The following COL27A1 variants were observed in gnomAD, a reference collection of about 807,000 sequenced individuals.
COL27A1 encodes collagen alpha-1(XXVII) chain.
COL27A1 carries 106 observed loss-of-function variants against 251.3 expected under a neutral mutation model. The observed-to-expected ratio is 0.42, with a 90% CI of 0.36 to 0.50. COL27A1 has a LOEUF of 0.50. Among genes scored for constraint, COL27A1 ranks in the 20% least tolerant of loss-of-function variants. COL27A1 has a pLI of 0.00. For missense variants in COL27A1, 2,325 were observed against 2,522.8 expected, an observed-to-expected ratio of 0.92 and a Z score of 1.68; for synonymous variants, 1,000 against 986.3, an observed-to-expected ratio of 1.01 and a Z score of -0.26.
At chr9:114,177,262 G>C (rs535360517) in intron 3 of COL27A1, among the ~76,000 whole-genome samples, 1 of 152,202 alleles carries the variant, frequency 6.6e-6, no homozygotes. Flanking sequence ...AAGTCTGCTC[G>C]GCTGCCTCCC....
At chr9:114,294,082 CAA>C (rs57583693) in intron 49 of COL27A1, among the ~76,000 whole-genome samples, 4,060 of 136,762 alleles carry the variant, frequency 0.03, 97 homozygotes, top group African/African-American at 0.058. Flanking sequence ...ACTAACAATA[CAA>C]AAAAAAAAAA....
At chr9:114,162,823 G>A in intron 2 of COL27A1, 38 bp downstream of exon 2, 1 of 1,493,542 alleles carries the variant, frequency 6.7e-7, no homozygotes, top group Non-Finnish European at 9.3e-7. Flanking sequence ...GGAGACAAAG[G>A]AGAACGGAAG....
intron 3 of COL27A1, among the ~76,000 whole-genome samples, chr9:114,172,255 C>G (rs1341031932): frequency 1.3e-5 from 2 of 152,336 alleles, no homozygotes; most frequent in East Asian, 3.9e-4. Context: ...TTTCTGGCCT[C>G]TGCTGTCTTC....
chr9:114,204,158 C>G (rs1001415193), intron 7 of COL27A1, among the ~76,000 whole-genome samples: 1 of 152,088 alleles, frequency 6.6e-6, no homozygotes, highest in African/African-American at 2.4e-5. Flanking sequence ...GAAGAGGACT[C>G]AAGAGTTCTA....
At chr9:114,159,501 G>C (rs1848351094) in intron 1 of COL27A1, among the ~76,000 whole-genome samples, 2 of 152,168 alleles carry the variant, frequency 1.3e-5, no homozygotes, top group Admixed American at 6.6e-5. Flanking sequence ...GAAGGAGATG[G>C]AACAGAAATA....
At chr9:114,227,893 G>T (rs1271366944) in intron 14 of COL27A1, among the ~76,000 whole-genome samples, 1 of 152,190 alleles carries the variant, frequency 6.6e-6, no homozygotes, top group Non-Finnish European at 1.5e-5. Context: ...TCTGCAAGCT[G>T]CCCTCGGGGG....
At chr9:114,164,210 C>CTG (rs956542590) in intron 2 of COL27A1, among the ~76,000 whole-genome samples, 12 of 152,138 alleles carry the variant, frequency 7.9e-5, no homozygotes, top group African/African-American at 2.9e-4. Flanking sequence ...CCATAGATTG[C>CTG]TGAGAGAATC....
At chr9:114,304,731 A>T in intron 57 of COL27A1, 58 bp downstream of exon 57, 1 of 1,462,972 alleles carries the variant, frequency 6.8e-7, no homozygotes, top group Admixed American at 1.7e-5. Context: ...GCAAATAGAT[A>T]ATGGCCCACA....
chr9:114,265,296 G>C (rs60011910), intron 31 of COL27A1, 126 bp from the exon 32 acceptor site: 4 of 1,154,436 alleles, frequency 3.5e-6, no homozygotes, highest in Non-Finnish European at 5.0e-6. Flanking sequence ...CTGGGTCTCA[G>C]CCTTCCCATC....
At position 114,155,882 on chromosome 9, in the gene COL27A1, G is replaced by A. The variant is rs1021016356; in HGVS notation, c.-69G>A. Reference sequence around the variant, plus strand: ...GCCGGCCTGGCGCGGCGGGGCGGGGGGCTGGCGGCCCCATGGGGCGCGCCC... The same window carrying A: ...GCCGGCCTGGCGCGGCGGGGCGGGGAGCTGGCGGCCCCATGGGGCGCGCCC... On this transcript the variant is annotated 5_prime_UTR_variant, in exon 1 of 61. Transcript: ENST00000356083. The surrounding 1 kb of genome is among the most constrained non-coding windows in gnomAD (Gnocchi z 5.5). The A allele has an allele frequency of 8.9e-6, 10 of 1,121,636 alleles. No homozygotes were observed. In the African/African-American group the frequency reaches 1.5e-4, roughly 17 times the overall value. The allele number at this position is 1,121,636 out of a possible 1,614,324, so 69.5% of individuals were successfully genotyped here. A position where few individuals can be genotyped will look rare whatever the true frequency, so the allele number is the denominator to read the frequency against.
chr9:114,168,956 T>C lies in COL27A1; in HGVS notation c.1401T>C (p.His467=), dbSNP rs770579353. The C allele has an allele frequency of 5.6e-5, 91 of 1,613,938 alleles. No individual in the cohort carries two copies. Among genetic ancestry groups the C allele is most frequent in the Non-Finnish European group, 6.9e-5 (82 of 1,180,022 alleles). The stretch of plus-strand genomic sequence containing the variant: ...GGACTGAGGCCAAGATAACCAGCCA[T>C]GCCAGTAAGCCGGCCTCTGCCCGCA... ...LARTEAKITS[H]ASKPASARTS... The change falls in exon 3 of 61, where the codon CAT becomes CAC. Residue 467 remains histidine (H), a synonymous_variant. Coordinates refer to ENST00000356083, the MANE Select transcript of COL27A1 (RefSeq NM_032888.4).
At chr9:114,188,597 A>C (rs895856029) in intron 5 of COL27A1, among the ~76,000 whole-genome samples, 1 of 152,238 alleles carries the variant, frequency 6.6e-6, no homozygotes, top group Non-Finnish European at 1.5e-5. Context: ...GACATATATC[A>C]AGACATATAC....
rs1470767105 is a variant in COL27A1 at position 114,300,051 on chromosome 9, C to T, written c.4585-19C>T. On this transcript the variant is annotated intron_variant, in intron 49 of 60. Coordinates refer to ENST00000356083, the MANE Select transcript of COL27A1 (RefSeq NM_032888.4). ...GACCATGAGCTCACTCGCTCCATCA[C>T]TTCCTGTTCTTCCTGCAGGGCGACT... The T allele has an allele frequency of 8.7e-6, 14 of 1,613,916 alleles. No homozygotes were observed. Among genetic ancestry groups the T allele is most frequent in the Non-Finnish European group, 1.2e-5 (14 of 1,179,896 alleles).
At chr9:114,264,275 G>A in intron 28 of COL27A1, 80 bp from the exon 29 acceptor site, 1 of 1,169,336 alleles carries the variant, frequency 8.6e-7, no homozygotes, top group Non-Finnish European at 1.2e-6. Flanking sequence ...CCCCAGGCTT[G>A]GAGCAGCCCC....
chr9:114,267,612 G>T, intron 34 of COL27A1, 55 bp downstream of exon 34: 1 of 1,485,510 alleles, frequency 6.7e-7, no homozygotes. Flanking sequence ...CTCCCAGATG[G>T]TGGCCACATC....
Position 114,178,328 on chromosome 9 carries a change from G to A in COL27A1, c.1946G>A (p.Gly649Asp), listed in dbSNP as rs981318664. 2 of 1,613,996 alleles carry A rather than the reference G, an allele frequency of 1.2e-6. No individual in the cohort carries two copies. Among genetic ancestry groups the A allele is most frequent in the Admixed American group, 1.7e-5 (1 of 60,026 alleles). The change falls in exon 4 of 61, where the codon GGT (glycine) becomes GAT (aspartate). Residue 649 changes from glycine to aspartate, a missense_variant. Physicochemically the swap from Gly to Asp is moderately conservative, Grantham distance 94. Around this residue, in one of 4 missense-constraint regions of COL27A1, gnomAD observed 1,183 missense variants for 1,144.1 expected, o/e 1.03. Transcript: ENST00000356083. ...CTACCTGGGCTACCTGGAATCCCTG[G>A]TGCACGTGGGCCTCGGGTGAGTTAT... ...PGLPGLPGIP[G>D]ARGPRGPPGP...
At chr9:114,156,699 A>AT (rs1407642806) in intron 1 of COL27A1, among the ~76,000 whole-genome samples, 1 of 152,010 alleles carries the variant, frequency 6.6e-6, no homozygotes, top group Non-Finnish European at 1.5e-5. Flanking sequence ...CAGTGTACAG[A>AT]TCGGGAGACA....
chr9:114,254,686 G>A (rs2135543109), intron 27 of COL27A1, among the ~76,000 whole-genome samples: 3 of 152,294 alleles, frequency 2.0e-5, no homozygotes, highest in Admixed American at 2.0e-4. Flanking sequence ...TTCATGGTTT[G>A]AACCCAGGGG....
Position 114,290,740 on chromosome 9 carries a change from G to A in COL27A1, c.4369-70G>A, listed in dbSNP as rs921248768. On this transcript the variant is annotated intron_variant, in intron 47 of 60. Transcript: ENST00000356083. The surrounding 1 kb of genome is among the most constrained non-coding windows in gnomAD (Gnocchi z 4.6). The stretch of plus-strand genomic sequence containing the variant: ...AGCTTCACCCAGGGTTTGCCCAGGC[G>A]TTGAGCCATCTGCTTCCTTGGCTGT... The A allele has an allele frequency of 1.7e-5, 21 of 1,225,618 alleles. No individual in the cohort carries two copies. Among genetic ancestry groups the A allele is most frequent in the East Asian group, 2.5e-5 (1 of 39,226 alleles). The allele number at this position is 1,225,618 out of a possible 1,614,324, so 75.9% of individuals were successfully genotyped here.
Sources: allele counts gnomAD v4.1 joint callset (sites outside exome capture counted in the v4.1 genomes callset), GRCh38; gene constraint gnomAD v4.1.1; regional missense constraint gnomAD v4.1.1; non-coding constraint Gnocchi (gnomAD v3.1); transcripts MANE v1.5; gene names NCBI Gene and HGNC (gene_info 2026-07-23, HGNC 2026-07-21).